Variants in SMARCAL1 observed in about 807,000 individuals in gnomAD.
SMARCAL1 encodes the protein ATP-driven annealing helicase.
SMARCAL1 carries 58 observed loss-of-function variants against 94.5 expected under a neutral mutation model. The observed-to-expected ratio is 0.61, with a 90% confidence interval of 0.50 to 0.76. The LOEUF (loss-of-function observed/expected upper bound fraction) is 0.76, where lower values mean the gene tolerates loss of function less well. SMARCAL1 is among the 30% of genes least tolerant of loss of function. SMARCAL1 has a pLI of 0.00. For missense variants in SMARCAL1, 1,051 were observed against 1,177.9 expected (o/e 0.89, Z 1.58); for synonymous variants, 422 against 455.1 (o/e 0.93, Z 0.93).
rs891696666 is a variant in SMARCAL1 at position 216,412,492 on chromosome 2, A to C, written c.-252A>C. The C allele has an allele frequency of 6.6e-6, 1 of 152,224 alleles. No homozygotes were observed. Among genetic ancestry groups the C allele is most frequent in the African/African-American group, 2.4e-5 (1 of 41,442 alleles). 9.4% of individuals were successfully genotyped at this position (152,224 alleles called of 1,614,324 possible). The stretch of plus-strand genomic sequence containing the variant: ...TAGTTCAGCGGTGGCCTAGCCCTTC[A>C]GGCCTGGCCGCTACAATAAGGCTGG... On this transcript the variant is annotated 5_prime_UTR_variant, in exon 1 of 18. Coordinates refer to ENST00000357276, the MANE Select transcript of SMARCAL1 (RefSeq NM_014140.4).
intron 12 of SMARCAL1, among the ~76,000 whole-genome samples, chr2:216,456,432 A>G (rs368941429): frequency 6.6e-6 from 1 of 152,168 alleles, no homozygotes; most frequent in African/African-American, 2.4e-5. Flanking sequence ...AAAATGTTAA[A>G]GGCAGCCAGA....
chr2:216,441,341 T>G (rs1011507552), intron 10 of SMARCAL1, among the ~76,000 whole-genome samples: 2 of 152,216 alleles, frequency 1.3e-5, no homozygotes, highest in Non-Finnish European at 2.9e-5. Flanking sequence ...ACAGCACTAT[T>G]GGCTGGGGCT....
At position 216,443,239 on chromosome 2, in the gene SMARCAL1, C is replaced by T. The variant is rs141787373; in HGVS notation, c.1711-3779C>T. On this transcript the variant is annotated intron_variant, in intron 10 of 17. Transcript: ENST00000357276. ...AAAATTAACTGGGATTGGTGGTCTG[C>T]GCCTATAATCCCAGCTATATGGGAG... Among the ~76,000 whole-genome samples, 7 of 151,744 alleles carry T rather than the reference C, an allele frequency of 4.6e-5. No individual in the cohort carries two copies. In the East Asian group the frequency reaches 9.7e-4, roughly 21 times the overall value.
intron 5 of SMARCAL1, 145 bp downstream of exon 5, chr2:216,420,677 C>T (rs2106021001): frequency 4.1e-6 from 3 of 733,604 alleles, no homozygotes; most frequent in East Asian, 2.7e-5. Context: ...AGAAAGATGA[C>T]ACGTTAATTG....
chr2:216,439,327 G>C (rs1024358464), intron 10 of SMARCAL1, among the ~76,000 whole-genome samples: 5 of 35,934 alleles, frequency 1.4e-4, no homozygotes, highest in African/African-American at 3.2e-4. Context: ...TCCATTATGG[G>C]GGGGGGGGAT....
intron 12 of SMARCAL1, among the ~76,000 whole-genome samples, chr2:216,459,506 A>G (rs1481390499): frequency 3.9e-5 from 6 of 152,318 alleles, no homozygotes; most frequent in Admixed American, 1.3e-4. Flanking sequence ...AATGGAACAG[A>G]ACAGAGCCCT....
chr2:216,431,464 C>T (rs1290342521), intron 7 of SMARCAL1, among the ~76,000 whole-genome samples: 6 of 152,188 alleles, frequency 3.9e-5, no homozygotes, highest in African/African-American at 9.7e-5. Context: ...TCATGCGACA[C>T]GAGCAAGTCA....
chr2:216,425,220 TAG>T (rs1266930818), intron 6 of SMARCAL1, among the ~76,000 whole-genome samples: 1 of 152,198 alleles, frequency 6.6e-6, no homozygotes, highest in African/African-American at 2.4e-5. Flanking sequence ...CAAGTGAGTG[TAG>T]AGTCTGGCCA....
chr2:216,461,938 C>T (rs918935493), intron 12 of SMARCAL1, among the ~76,000 whole-genome samples: 2 of 152,102 alleles, frequency 1.3e-5, no homozygotes, highest in African/African-American at 2.4e-5. Context: ...TTCAATTGCT[C>T]ACTATTCTGA....
At chr2:216,446,179 G>A (rs1202145096) in intron 10 of SMARCAL1, among the ~76,000 whole-genome samples, 1 of 151,854 alleles carries the variant, frequency 6.6e-6, no homozygotes, top group African/African-American at 2.4e-5. Flanking sequence ...TGGGTCTGAT[G>A]CCCATGGGTC....
intron 12 of SMARCAL1, among the ~76,000 whole-genome samples, chr2:216,463,194 A>G (rs916541809): frequency 2.0e-5 from 3 of 152,246 alleles, no homozygotes; most frequent in African/African-American, 7.2e-5. Flanking sequence ...CAGATCTTAC[A>G]GAGGCCAGGC....
chr2:216,413,154 G>A (rs934003948), intron 1 of SMARCAL1, among the ~76,000 whole-genome samples: 7 of 142,996 alleles, frequency 4.9e-5, no homozygotes, highest in Admixed American at 2.1e-4. Context: ...GGTGGGGGAG[G>A]GGGGAGGGGG....
intron 4 of SMARCAL1, among the ~76,000 whole-genome samples, chr2:216,419,171 A>G (rs537400368): frequency 7.9e-5 from 12 of 152,348 alleles, no homozygotes; most frequent in Admixed American, 6.5e-5. Context: ...TATAATTGCC[A>G]AATTGTTTTC....
chr2:216,448,124 A>G (rs1022038755), intron 11 of SMARCAL1, among the ~76,000 whole-genome samples: 3 of 152,264 alleles, frequency 2.0e-5, no homozygotes, highest in Non-Finnish European at 4.4e-5. Context: ...TCCTTAGCAT[A>G]GTTAATTGCA....
At chr2:216,422,301 G>T (rs1207153906) in intron 5 of SMARCAL1, among the ~76,000 whole-genome samples, 3 of 152,128 alleles carry the variant, frequency 2.0e-5, no homozygotes, top group East Asian at 1.9e-4. Flanking sequence ...AATCCCTTGA[G>T]CCTGGGATGC....
chr2:216,449,569 A>G (rs749341386), intron 11 of SMARCAL1, among the ~76,000 whole-genome samples: 1 of 152,078 alleles, frequency 6.6e-6, no homozygotes, highest in African/African-American at 2.4e-5. Flanking sequence ...TTATTCCTCC[A>G]CCTTTGACCA....
Position 216,438,489 on chromosome 2 carries a change from A to G in SMARCAL1, c.1710+4A>G. 1 of 1,613,196 alleles carries G rather than the reference A, an allele frequency of 6.2e-7. No individual in the cohort carries two copies. Among genetic ancestry groups the G allele is most frequent in the Non-Finnish European group, 8.5e-7 (1 of 1,179,352 alleles). On this transcript the variant is annotated splice_donor_region_variant and intron_variant, in intron 10 of 17. Transcript: ENST00000357276. ...AGCAGCTATGCCGGTCCTAAAGGTG[A>G]GTACTTCTGAGAACTGAGCCCACTG... is the stretch of plus-strand genomic sequence containing the variant.
intron 6 of SMARCAL1, among the ~76,000 whole-genome samples, chr2:216,425,739 A>G (rs1409493315): frequency 2.0e-5 from 3 of 152,174 alleles, no homozygotes; most frequent in East Asian, 1.9e-4. Flanking sequence ...TAGTCCCAAC[A>G]TGTGGCTGAG....
At chr2:216,421,352 C>T (rs1386127635) in intron 5 of SMARCAL1, among the ~76,000 whole-genome samples, 2 of 152,138 alleles carry the variant, frequency 1.3e-5, no homozygotes, top group African/African-American at 4.8e-5. Context: ...GGCTGGAGTG[C>T]AGTGGCGCAA....
Sources: gnomAD v4.1 joint callset for allele counts (sites outside exome capture counted in the v4.1 genomes callset) on GRCh38, gnomAD v4.1.1 for gene constraint, MANE v1.5 for transcripts, NCBI Gene and HGNC (gene_info 2026-07-23, HGNC 2026-07-21) for gene names.